RAB22A: variants seen among roughly 807,000 people sequenced by gnomAD.
RAB22A encodes the protein RAB22A, member RAS oncogene family.
In RAB22A, 13 loss-of-function variants were observed where a neutral mutation model predicts 30.2. The ratio of observed to expected loss-of-function variants is 0.43; its 90% CI spans 0.28 to 0.68. The LOEUF (loss-of-function observed/expected upper bound fraction) is 0.68. Among genes scored for constraint, RAB22A ranks in the 30% least tolerant of loss-of-function variants. The probability of loss-of-function intolerance (pLI) is 0.18; values close to 1 mark genes in which losing one functional copy is unlikely to be tolerated. For synonymous variants in RAB22A, 89 were observed against 87.2 expected, an observed-to-expected ratio of 1.02 and a Z score of -0.11; for missense variants, 177 against 246.8, an observed-to-expected ratio of 0.72 and a Z score of 1.89.
chr20:58,333,276 C>CATAA (rs58194504), intron 2 of RAB22A, among the ~76,000 whole-genome samples: 15,154 of 143,694 alleles, frequency 0.11, 861 homozygotes, highest in Non-Finnish European at 0.12. Context: ...GAGACTCCAT[C>CATAA]ATAAATAAAT....
At chr20:58,310,952 T>C in intron 1 of RAB22A, 91 bp from the exon 2 acceptor site, 1 of 1,077,242 alleles carries the variant, frequency 9.3e-7, no homozygotes, top group Non-Finnish European at 1.4e-6. Flanking sequence ...AGGGTGATTT[T>C]TCTAAAATCC....
At chr20:58,335,705 TGTAC>T (rs1440476822) in intron 2 of RAB22A, among the ~76,000 whole-genome samples, 1 of 152,192 alleles carries the variant, frequency 6.6e-6, no homozygotes, top group Non-Finnish European at 1.5e-5. Context: ...ATCCTTGTTT[TGTAC>T]GTTTTGAATA....
chr20:58,351,551 C>T (rs1278883356), intron 3 of RAB22A, among the ~76,000 whole-genome samples: 3 of 152,260 alleles, frequency 2.0e-5, no homozygotes, highest in African/African-American at 7.2e-5. Flanking sequence ...TGGTGGCTCA[C>T]GCCTGTAATC....
chr20:58,355,658 A>G (rs1987118152), intron 6 of RAB22A, among the ~76,000 whole-genome samples: 1 of 152,082 alleles, frequency 6.6e-6, no homozygotes, highest in African/African-American at 2.4e-5. Flanking sequence ...TATGTCTAAA[A>G]AAATATAAAA....
At chr20:58,326,965 A>G (rs113512307) in intron 2 of RAB22A, among the ~76,000 whole-genome samples, 2,669 of 152,176 alleles carry the variant, frequency 0.018, 40 homozygotes, top group South Asian at 0.059. Flanking sequence ...AATTTTTAGG[A>G]TGAGGAAGTT....
chr20:58,333,348 A>G (rs1986694232), intron 2 of RAB22A, among the ~76,000 whole-genome samples: 1 of 152,008 alleles, frequency 6.6e-6, no homozygotes, highest in Non-Finnish European at 1.5e-5. Flanking sequence ...TAATTAATTA[A>G]TTAAACCTGC....
intron 3 of RAB22A, among the ~76,000 whole-genome samples, chr20:58,344,497 GAC>G (rs368406587): frequency 2.6e-5 from 4 of 152,140 alleles, no homozygotes; most frequent in African/African-American, 9.6e-5. Flanking sequence ...TGGGTACTAA[GAC>G]ACATCTGCTG....
Position 58,366,122 on chromosome 20 carries a change from G to A in RAB22A, c.*6419G>A, listed in dbSNP as rs1045243396. On this transcript the variant is annotated 3_prime_UTR_variant, in exon 7 of 7. Coordinates refer to ENST00000244040, the MANE Select transcript of RAB22A (RefSeq NM_020673.3). ...CCTTCTTAAGAATTTACACCTTACC[G>A]TCTCTGTGATTGAAGCAGACTTCTC... 2 of 151,900 alleles carry A rather than the reference G, an allele frequency of 1.3e-5. No homozygotes were observed. The highest frequency in any genetic ancestry group is 4.8e-5 in the African/African-American group (2 of 41,308). The allele number at this position is 151,900 out of a possible 1,614,324, so 9.4% of individuals were successfully genotyped here. A position where few individuals can be genotyped will look rare whatever the true frequency, so the allele number is the denominator to read the frequency against.
In RAB22A at chr20:58,354,401, G is replaced by T. The variant is rs1046305072; in HGVS notation, c.487+136G>T. ...TGATCAGTGAAATGAAGTTGGAGAA[G>T]GTAAGAGTAATGTCCAGTTTTCATA... On this transcript the variant is annotated intron_variant, in intron 6 of 6. Coordinates refer to ENST00000244040, the MANE Select transcript of RAB22A (RefSeq NM_020673.3). 1.0e-5 allele frequency: 6 copies of T among 592,226 alleles called. No individual in the cohort carries two copies. In the Admixed American group the frequency reaches 1.2e-4, roughly 12 times the overall value. 36.7% of individuals were successfully genotyped at this position (592,226 alleles called of 1,614,324 possible).
intron 2 of RAB22A, among the ~76,000 whole-genome samples, chr20:58,342,914 C>T (rs1986879559): frequency 6.6e-6 from 1 of 152,090 alleles, no homozygotes; most frequent in African/African-American, 2.4e-5. Flanking sequence ...TCTGGGCCAC[C>T]ATGGCTCTTC....
chr20:58,350,396 T>A (rs1383147391), intron 3 of RAB22A, among the ~76,000 whole-genome samples: 1 of 152,174 alleles, frequency 6.6e-6, no homozygotes, highest in East Asian at 1.9e-4. Context: ...CAAGAAATAA[T>A]GGCTGAAAAT....
intron 3 of RAB22A, among the ~76,000 whole-genome samples, chr20:58,347,755 T>C (rs1478820337): frequency 6.6e-6 from 1 of 152,254 alleles, no homozygotes; most frequent in Non-Finnish European, 1.5e-5. Context: ...TATTATTTGC[T>C]ATCTTGAATG....
intron 6 of RAB22A, among the ~76,000 whole-genome samples, chr20:58,357,790 C>T (rs1412495252): frequency 6.6e-6 from 1 of 152,196 alleles, no homozygotes; most frequent in African/African-American, 2.4e-5. Flanking sequence ...AGAAACCATG[C>T]TGTGTACTCC....
rs762046768 is a variant in RAB22A, at chr20:58,343,717, G to T, written c.117-1G>T. On this transcript the variant is annotated splice_acceptor_variant, in intron 2 of 6. Coordinates refer to ENST00000244040, the MANE Select transcript of RAB22A (RefSeq NM_020673.3). LOFTEE classifies it high-confidence loss of function. Reference sequence around the variant, plus strand: ...CTGATCATTTAGGTCTCTCTTTATAGGGCATCTTTTATGACCAAGACTGTC... The same window carrying T: ...CTGATCATTTAGGTCTCTCTTTATATGGCATCTTTTATGACCAAGACTGTC... 6.2e-7 allele frequency: 1 copy of T among 1,603,162 alleles called. No homozygotes were observed. The highest frequency in any genetic ancestry group is 1.1e-5 in the South Asian group (1 of 90,840).
intron 2 of RAB22A, among the ~76,000 whole-genome samples, chr20:58,330,867 G>GA (rs1400823697): frequency 6.6e-6 from 1 of 152,124 alleles, no homozygotes; most frequent in Non-Finnish European, 1.5e-5. Flanking sequence ...CTGTCCATTG[G>GA]ACTCCTTGGC....
chr20:58,319,365 A>G (rs911695177), intron 2 of RAB22A, among the ~76,000 whole-genome samples: 19 of 152,320 alleles, frequency 1.2e-4, no homozygotes, highest in African/African-American at 3.8e-4. Flanking sequence ...ATGAGTTTAT[A>G]TATGTGTATG....
At chr20:58,342,981 A>G (rs980148440) in intron 2 of RAB22A, among the ~76,000 whole-genome samples, 2 of 152,148 alleles carry the variant, frequency 1.3e-5, no homozygotes, top group Non-Finnish European at 2.9e-5. Flanking sequence ...AGAACCCCCA[A>G]AATAATAGGA....
Position 58,366,702 on chromosome 20 carries a change from AAG to A in RAB22A, c.*7003_*7004del, listed in dbSNP as rs1987325306. The A allele has an allele frequency of 1.3e-5, 2 of 152,242 alleles. No individual in the cohort carries two copies. The highest frequency in any genetic ancestry group is 2.9e-5 in the Non-Finnish European group (2 of 68,046). 9.4% of individuals were successfully genotyped at this position (152,242 alleles called of 1,614,324 possible). On this transcript the variant is annotated 3_prime_UTR_variant, in exon 7 of 7. Coordinates refer to ENST00000244040, the MANE Select transcript of RAB22A (RefSeq NM_020673.3). The stretch of plus-strand genomic sequence containing the variant: ...AGGTGAAGAACTCCGCTGCTTCAGA[AAG>A]AGAATAGCAGCGCTCGCTTACCGTG...
intron 5 of RAB22A, 61 bp from the exon 6 acceptor site, chr20:58,354,095 G>A: frequency 1.6e-6 from 2 of 1,212,408 alleles, no homozygotes; most frequent in African/African-American, 3.0e-5. Flanking sequence ...TACTGGGTAG[G>A]TGGGGGTACA....
Sources: gnomAD v4.1 joint callset for allele counts (sites outside exome capture counted in the v4.1 genomes callset) on GRCh38, gnomAD v4.1.1 for gene constraint, MANE v1.5 for transcripts, NCBI Gene and HGNC (gene_info 2026-07-23, HGNC 2026-07-21) for gene names.